The following AMMECR1 variants were observed in gnomAD, a reference collection of about 807,000 sequenced individuals.
AMMECR1 encodes the protein AMMECR nuclear protein 1, also known as nuclear protein AMMECR1.
In AMMECR1, 3 loss-of-function variants were observed where a neutral mutation model predicts 22.5. That is an observed-to-expected ratio of 0.13 (90% confidence interval 0.06 to 0.35). AMMECR1 has a LOEUF of 0.35. Among genes scored for constraint, AMMECR1 ranks in the 10% least tolerant of loss-of-function variants. AMMECR1 has a pLI of 1.00. For missense variants in AMMECR1, 235 were observed against 278.7 expected, an observed-to-expected ratio of 0.84 and a Z score of 1.12; for synonymous variants, 130 against 116.7, an observed-to-expected ratio of 1.11 and a Z score of -0.74.
intron 1 of AMMECR1, among the ~76,000 whole-genome samples, chrX:110,300,325 T>C (rs947007122): frequency 2.7e-5 from 3 of 112,584 alleles, no homozygotes; most frequent in Admixed American, 9.4e-5. Context: ...TATCTGCATG[T>C]CTTTTTTGGA....
intron 2 of AMMECR1, among the ~76,000 whole-genome samples, chrX:110,399,148 T>TA (rs2068547628): frequency 8.9e-6 from 1 of 112,184 alleles, no homozygotes; most frequent in African/African-American, 3.2e-5. Context: ...AATAATATAA[T>TA]ACAGTGTATC....
At chrX:110,402,138 T>A in intron 2 of AMMECR1, among the ~76,000 whole-genome samples, 1 of 112,626 alleles carries the variant, frequency 8.9e-6, no homozygotes. Flanking sequence ...CTGATTTGAA[T>A]CGGAAAACAG....
At chrX:110,220,291 TA>T (rs2067494002) in intron 2 of AMMECR1, among the ~76,000 whole-genome samples, 5 of 111,854 alleles carry the variant, frequency 4.5e-5, no homozygotes, top group African/African-American at 1.6e-4. Flanking sequence ...ATGCTTGCCT[TA>T]CTTGGCAATT....
At chrX:110,286,251 G>C (rs2067878847) in intron 1 of AMMECR1, among the ~76,000 whole-genome samples, 1 of 111,816 alleles carries the variant, frequency 8.9e-6, no homozygotes, top group African/African-American at 3.3e-5. Context: ...GAAATGGTCT[G>C]TTTTTAAAAG....
At chrX:110,344,542 T>A (rs1190055800) in intron 2 of AMMECR1, among the ~76,000 whole-genome samples, 2 of 110,860 alleles carry the variant, frequency 1.8e-5, no homozygotes, top group Admixed American at 9.6e-5. Context: ...GAAACTACCA[T>A]CAGAGTGAAC....
chrX:110,393,580 G>A (rs2068509081), intron 2 of AMMECR1, among the ~76,000 whole-genome samples: 1 of 111,763 alleles, frequency 8.9e-6, no homozygotes, highest in Non-Finnish European at 1.9e-5. Flanking sequence ...CATCCCACTG[G>A]TGCCTCTAAA....
At position 110,408,978 on chromosome X, in the gene AMMECR1, A is replaced by G. The variant is rs183321441; in HGVS notation, c.-148+17680T>C. On this transcript the variant is annotated intron_variant, in intron 2 of 7. Transcript: ENST00000372057. ...TGAAGCAAAAGCAGATTTATTATAAAAGAGAGGATGTTAAGTCTGATAAGG... is the reference window on the plus strand; with the variant it reads ...TGAAGCAAAAGCAGATTTATTATAAGAGAGAGGATGTTAAGTCTGATAAGG... Among the ~76,000 whole-genome samples the G allele has an allele frequency of 4.1e-3, 461 of 112,092 alleles. 1 individual carries two copies. The highest frequency in any genetic ancestry group is 6.7e-3 in the Admixed American group (71 of 10,575).
At chrX:110,345,258 C>T (rs113112707) in intron 2 of AMMECR1, among the ~76,000 whole-genome samples, 1 of 110,067 alleles carries the variant, frequency 9.1e-6, no homozygotes, top group Non-Finnish European at 1.9e-5. Context: ...AAAAACCAAA[C>T]ACCGCATGTT....
intron 1 of AMMECR1, among the ~76,000 whole-genome samples, chrX:110,298,497 C>T (rs2067948939): frequency 1.8e-5 from 2 of 110,572 alleles, no homozygotes; most frequent in African/African-American, 3.3e-5. Flanking sequence ...TGAAAACAAC[C>T]TTATACCTTT....
intron 2 of AMMECR1, chrX:110,347,005 G>A: frequency 2.1e-6 from 1 of 475,461 alleles, no homozygotes; most frequent in Non-Finnish European, 3.9e-6. Flanking sequence ...GCTATTAGAA[G>A]GGCTCAGGAA....
chrX:110,391,921 A>G (rs1245468622), intron 2 of AMMECR1, among the ~76,000 whole-genome samples: 1 of 112,401 alleles, frequency 8.9e-6, no homozygotes. Context: ...AATGTGAAAA[A>G]ATAATATGCT....
At chrX:110,317,260 A>G (rs2068053204) in intron 1 of AMMECR1, among the ~76,000 whole-genome samples, 1 of 111,198 alleles carries the variant, frequency 9.0e-6, no homozygotes, top group Non-Finnish European at 1.9e-5. Flanking sequence ...ACCTTGAGTA[A>G]CCCAGATCTC....
chrX:110,252,172 G>C (rs2067689318), intron 2 of AMMECR1, among the ~76,000 whole-genome samples: 1 of 111,177 alleles, frequency 9.0e-6, no homozygotes, highest in African/African-American at 3.3e-5. Flanking sequence ...AGCTTCCCTT[G>C]GGTCACAAAG....
At chrX:110,422,173 G>A (rs913390015) in intron 2 of AMMECR1, among the ~76,000 whole-genome samples, 3 of 112,587 alleles carry the variant, frequency 2.7e-5, no homozygotes, top group Non-Finnish European at 3.8e-5. Flanking sequence ...CTTTTTCCCT[G>A]TCCAGGTTTC....
intron 2 of AMMECR1, among the ~76,000 whole-genome samples, chrX:110,381,143 GGCA>G: frequency 8.9e-6 from 1 of 111,773 alleles, no homozygotes; most frequent in Middle Eastern, 4.6e-3. Flanking sequence ...AATATCGACA[GGCA>G]CCCTACAGAA....
At chrX:110,282,531 A>G (rs186754693) in intron 1 of AMMECR1, among the ~76,000 whole-genome samples, 33 of 111,640 alleles carry the variant, frequency 3.0e-4, no homozygotes, top group Admixed American at 1.9e-3. Flanking sequence ...CAATAAAGGT[A>G]TAATTATTAA....
chrX:110,346,365 T>A (rs754819410), intron 2 of AMMECR1, among the ~76,000 whole-genome samples: 1 of 112,271 alleles, frequency 8.9e-6, no homozygotes, highest in South Asian at 3.7e-4. Context: ...AATAAACATA[T>A]GAAAAAGTGT....
intron 2 of AMMECR1, among the ~76,000 whole-genome samples, chrX:110,365,372 T>G (rs2068290531): frequency 8.9e-6 from 1 of 112,215 alleles, no homozygotes; most frequent in South Asian, 3.7e-4. Flanking sequence ...CAGAATAAAC[T>G]CCAAATGTTC....
intron 2 of AMMECR1, among the ~76,000 whole-genome samples, chrX:110,243,239 C>G (rs2067642556): frequency 8.9e-6 from 1 of 112,178 alleles, no homozygotes; most frequent in African/African-American, 3.2e-5. Context: ...AGCCACCTAG[C>G]TTTGAGAGTC....
Sources: allele counts gnomAD v4.1 joint callset (sites outside exome capture counted in the v4.1 genomes callset), GRCh38; gene constraint gnomAD v4.1.1; transcripts MANE v1.5; gene names NCBI Gene and HGNC (gene_info 2026-07-23, HGNC 2026-07-21).